Variants in TTC39B observed in about 807,000 individuals in gnomAD.
The protein encoded by TTC39B is tetratricopeptide repeat domain 39B, also known as tetratricopeptide repeat protein 39B.
In TTC39B, 92 loss-of-function variants were observed where a neutral mutation model predicts 96.6. The observed-to-expected ratio is 0.95, with a 90% CI of 0.80 to 1.13. TTC39B has a LOEUF of 1.13. TTC39B is among the 50% of genes most tolerant of loss of function. The pLI is 0.00. For missense variants in TTC39B, 955 were observed against 809.3 expected, an observed-to-expected ratio of 1.18 and a Z score of -2.18; for synonymous variants, 367 against 299.4, an observed-to-expected ratio of 1.23 and a Z score of -2.33.
chr9:15,234,247 G>A lies in TTC39B; in HGVS notation c.276-8235C>T, dbSNP rs555937935. On this transcript the variant is annotated intron_variant, in intron 2 of 19. Coordinates refer to ENST00000512701, the Ensembl canonical transcript of TTC39B. ...AGCGTCTCTGCCCGGCAGCCACCCC[G>A]TCCGGGAGGGAGGTGGGGGTCAGCC... 8.6e-5 allele frequency among the ~76,000 whole-genome samples: 13 copies of A among 150,360 alleles called. No individual in the cohort carries two copies. The South Asian group carries it at 1.7e-3, about 20-fold the overall frequency.
intron 1 of TTC39B, among the ~76,000 whole-genome samples, chr9:15,281,625 C>CAAAAAAAAAAAAAAAAAAAAAAAAAAA (rs1161175672): frequency 2.0e-5 from 1 of 49,008 alleles, no homozygotes; most frequent in African/African-American, 9.5e-5. Flanking sequence ...CCTGCAACAG[C>CAAAAAAAAAAAAAAAAAAAAAAAAAAA]AAAAAAAAAA....
intron 7 of TTC39B, among the ~76,000 whole-genome samples, chr9:15,200,736 C>G (rs113432612): frequency 1.3e-5 from 2 of 152,318 alleles, no homozygotes; most frequent in Admixed American, 1.3e-4. Flanking sequence ...CGTGGTGGCT[C>G]ACGCCTATAA....
intron 2 of TTC39B, among the ~76,000 whole-genome samples, chr9:15,236,987 T>G (rs549808131): frequency 6.7e-6 from 1 of 149,380 alleles, no homozygotes; most frequent in African/African-American, 2.5e-5. Flanking sequence ...AGAACAAAAC[T>G]AAATGAGATT....
exon 20 of TTC39B, chr9:15,167,020 A>ATT (rs1817539929): frequency 5.6e-4 from 4 of 7,132 alleles, no homozygotes; most frequent in Admixed American, 2.4e-3. Flanking sequence ...ATATATATAT[A>ATT]TATATATATT....
chr9:15,203,412 G>C (rs1819656360), intron 7 of TTC39B, among the ~76,000 whole-genome samples: 2 of 147,470 alleles, frequency 1.4e-5, no homozygotes, highest in Non-Finnish European at 3.0e-5. Flanking sequence ...CACCATGCCT[G>C]GCTAATTTTT....
chr9:15,249,195 G>A (rs569922937), intron 2 of TTC39B: 27 of 152,180 alleles, frequency 1.8e-4, no homozygotes, highest in African/African-American at 6.5e-4. Context: ...AATTCCAAAG[G>A]GGGAAAATGG....
Position 15,213,708 on chromosome 9 carries a change from C to T in TTC39B, c.482+431G>A, listed in dbSNP as rs191699584. Among the ~76,000 whole-genome samples, 15 of 152,162 alleles carry T rather than the reference C, an allele frequency of 9.9e-5. No individual in the cohort carries two copies. The East Asian group carries it at 2.5e-3, about 25-fold the overall frequency. ...AATTGAAATTAAATTGCTTGTTTTT[C>T]GAACAAATAGAGAACCCCAATAATA... is the stretch of plus-strand genomic sequence containing the variant. On this transcript the variant is annotated intron_variant, in intron 4 of 19. Coordinates refer to ENST00000512701, the Ensembl canonical transcript of TTC39B.
chr9:15,234,411 G>A (rs1342765039), intron 2 of TTC39B, among the ~76,000 whole-genome samples: 1 of 147,694 alleles, frequency 6.8e-6, no homozygotes, highest in Non-Finnish European at 1.5e-5. Context: ...GAGGTGGGGG[G>A]GTCAGCCCCC....
intron 2 of TTC39B, among the ~76,000 whole-genome samples, chr9:15,239,622 T>C (rs913605233): frequency 6.6e-6 from 1 of 152,204 alleles, no homozygotes; most frequent in African/African-American, 2.4e-5. Flanking sequence ...GCAACTTGAA[T>C]GGCTAGAAGC....
chr9:15,256,831 GT>G (rs1348609625), intron 2 of TTC39B, among the ~76,000 whole-genome samples: 1 of 152,166 alleles, frequency 6.6e-6, no homozygotes, highest in Non-Finnish European at 1.5e-5. Context: ...GAGGGCAAGA[GT>G]TGCCCTCGAT....
chr9:15,178,070 C>T (rs1463910449), intron 17 of TTC39B, among the ~76,000 whole-genome samples: 3 of 151,772 alleles, frequency 2.0e-5, no homozygotes, highest in Admixed American at 1.3e-4. Flanking sequence ...GGGGTTTCAC[C>T]GTGTTAGCCA....
At chr9:15,214,344 G>A in intron 3 of TTC39B, 95 bp from the exon 4 acceptor site, 1 of 729,380 alleles carries the variant, frequency 1.4e-6, no homozygotes, top group South Asian at 1.7e-5. Flanking sequence ...GTGTGTGTGT[G>A]TGTCTGTGTG....
At position 15,306,960 on chromosome 9, in the gene TTC39B, A is replaced by C; in HGVS notation, c.240+124T>G. 1 of 1,400,816 alleles carries C rather than the reference A, an allele frequency of 7.1e-7. No homozygotes were observed. The allele number at this position is 1,400,816 out of a possible 1,614,324, so 86.8% of individuals were successfully genotyped here. A position where few individuals can be genotyped will look rare whatever the true frequency, so the allele number is the denominator to read the frequency against. On this transcript the variant is annotated intron_variant, in intron 1 of 19. Coordinates refer to ENST00000512701, the Ensembl canonical transcript of TTC39B. This position sits in a 1 kb window ranked among gnomAD's most constrained non-coding sequence, Gnocchi z 5.1. ...CGGGCGCCCCCACCCGGCGCCCGCC[A>C]GCCCACCCCAGAGAGGGGACCAAGG...
chr9:15,243,878 G>A (rs568556278), intron 2 of TTC39B, among the ~76,000 whole-genome samples: 41 of 152,268 alleles, frequency 2.7e-4, no homozygotes, highest in African/African-American at 8.9e-4. Context: ...ACAGGCTGTC[G>A]CCCAGGCTGG....
At position 15,306,357 on chromosome 9, in the gene TTC39B, G is replaced by C. The variant is rs887800462; in HGVS notation, c.240+727C>G. On this transcript the variant is annotated intron_variant, in intron 1 of 19. Transcript: ENST00000512701. This position sits in a 1 kb window ranked among gnomAD's most constrained non-coding sequence, Gnocchi z 5.1. ...GCCCGGGCGCGCCACGACTGAAGGA[G>C]TGGCTAATTACTCAAACACAGTTGA... Among the ~76,000 whole-genome samples, 3 of 152,228 alleles carry C rather than the reference G, an allele frequency of 2.0e-5. No individual in the cohort carries two copies. Among genetic ancestry groups the C allele is most frequent in the African/African-American group, 7.2e-5 (3 of 41,472 alleles).
intron 19 of TTC39B, among the ~76,000 whole-genome samples, chr9:15,172,720 G>A (rs1432575395): frequency 1.3e-5 from 2 of 152,068 alleles, no homozygotes; most frequent in South Asian, 2.1e-4. Context: ...CCCTTTACCA[G>A]AATTGTTAAG....
intron 1 of TTC39B, among the ~76,000 whole-genome samples, chr9:15,302,607 G>A (rs1326118025): frequency 2.0e-5 from 3 of 148,794 alleles, no homozygotes; most frequent in Admixed American, 6.7e-5. Context: ...ACTTTGAGAG[G>A]CCGAGGTAGG....
chr9:15,192,503 G>A, intron 9 of TTC39B, 87 bp downstream of exon 9: 2 of 1,017,710 alleles, frequency 2.0e-6, no homozygotes, highest in South Asian at 2.9e-5. Flanking sequence ...GAAAGGTTCA[G>A]GATGAGGTTC....
chr9:15,230,532 T>A (rs1210070895), intron 2 of TTC39B, among the ~76,000 whole-genome samples: 2 of 152,246 alleles, frequency 1.3e-5, no homozygotes, highest in Non-Finnish European at 2.9e-5. Context: ...TCAAGATTCA[T>A]TCATGTGGTA....
Sources: allele counts gnomAD v4.1 joint callset (sites outside exome capture counted in the v4.1 genomes callset), GRCh38; gene constraint gnomAD v4.1.1; non-coding constraint Gnocchi (gnomAD v3.1); transcripts MANE v1.5; gene names NCBI Gene and HGNC (gene_info 2026-07-23, HGNC 2026-07-21).